UBE2D1: variants seen among roughly 807,000 people sequenced by gnomAD.
UBE2D1 encodes the protein ubiquitin-conjugating enzyme E2 D1.
A neutral mutation model predicts 24.6 loss-of-function variants in UBE2D1; 9 were observed. That is an observed-to-expected ratio of 0.37 (90% CI 0.22 to 0.64). The LOEUF (loss-of-function observed/expected upper bound fraction) is 0.64, where lower values mean the gene tolerates loss of function less well. UBE2D1 is among the 30% of genes least tolerant of loss of function. The pLI is 0.64. For missense variants in UBE2D1, 87 were observed against 177.1 expected, an observed-to-expected ratio of 0.49 and a Z score of 2.89; for synonymous variants, 57 against 57.6, an observed-to-expected ratio of 0.99 and a Z score of 0.04.
At chr10:58,343,749 AC>A (rs1839987137) in intron 1 of UBE2D1, among the ~76,000 whole-genome samples, 1 of 150,488 alleles carries the variant, frequency 6.6e-6, no homozygotes, top group African/African-American at 2.5e-5. Flanking sequence ...ACTGGATGAT[AC>A]TAACAGAGAG....
intron 1 of UBE2D1, among the ~76,000 whole-genome samples, chr10:58,345,228 T>C (rs1301827891): frequency 6.6e-6 from 1 of 152,082 alleles, no homozygotes; most frequent in Non-Finnish European, 1.5e-5. Context: ...CCCAGAACTT[T>C]GGGAGACCGA....
chr10:58,340,115 T>C (rs1839947210), intron 1 of UBE2D1, among the ~76,000 whole-genome samples: 1 of 152,230 alleles, frequency 6.6e-6, no homozygotes, highest in African/African-American at 2.4e-5. Context: ...CAAATTGAGA[T>C]GTGCTGAAGT....
intron 1 of UBE2D1, among the ~76,000 whole-genome samples, chr10:58,350,378 C>T (rs1031320624): frequency 3.6e-5 from 4 of 111,214 alleles, no homozygotes; most frequent in African/African-American, 1.8e-4. Context: ...AACTGAGCCC[C>T]TTCTGATATA....
At chr10:58,335,584 A>G (rs945476390) in intron 1 of UBE2D1, among the ~76,000 whole-genome samples, 1 of 152,218 alleles carries the variant, frequency 6.6e-6, no homozygotes, top group Non-Finnish European at 1.5e-5. Context: ...GACCCCTGTC[A>G]TGCTGTGTTT....
intron 1 of UBE2D1, 100 bp downstream of exon 1, chr10:58,335,325 G>A: frequency 7.5e-7 from 1 of 1,333,864 alleles, no homozygotes; most frequent in Admixed American, 2.9e-5. Flanking sequence ...AGCAAGGGAT[G>A]GAAGGGTGGG....
chr10:58,335,474 C>T (rs1453707509), intron 1 of UBE2D1, among the ~76,000 whole-genome samples: 1 of 152,260 alleles, frequency 6.6e-6, no homozygotes, highest in Non-Finnish European at 1.5e-5. Context: ...CGGAGCCGCT[C>T]CCGGAGCCCC....
At chr10:58,362,522 C>T (rs1245367668) in intron 3 of UBE2D1, among the ~76,000 whole-genome samples, 1 of 152,090 alleles carries the variant, frequency 6.6e-6, no homozygotes, top group Non-Finnish European at 1.5e-5. Context: ...TCAAAATACT[C>T]TCATTTAAAG....
chr10:58,350,077 A>G (rs75504986), intron 1 of UBE2D1, among the ~76,000 whole-genome samples: 7,350 of 152,226 alleles, frequency 0.048, 343 homozygotes, highest in African/African-American at 0.12. Flanking sequence ...GTTGGTGGAC[A>G]TTGAGTTGCT....
Position 58,370,630 on chromosome 10 carries a change from AG to A in UBE2D1, c.*1868del, listed in dbSNP as rs1237525550. The A allele has an allele frequency of 6.6e-6, 1 of 151,542 alleles. No individual in the cohort carries two copies. The highest frequency in any genetic ancestry group is 1.5e-5 in the Non-Finnish European group (1 of 67,790). 9.4% of individuals were successfully genotyped at this position (151,542 alleles called of 1,614,324 possible). On this transcript the variant is annotated 3_prime_UTR_variant, in exon 7 of 7. Coordinates refer to ENST00000373910, the MANE Select transcript of UBE2D1 (RefSeq NM_003338.5). The stretch of plus-strand genomic sequence containing the variant: ...AATATTTAGTATATTTTGATAGTAA[AG>A]GGTTTTGTTTCTTGAATATCTTCAC...
intron 3 of UBE2D1, 57 bp downstream of exon 3, chr10:58,361,583 A>C: frequency 6.2e-7 from 1 of 1,606,960 alleles, no homozygotes; most frequent in Non-Finnish European, 8.5e-7. Context: ...CATTCTTGCC[A>C]TTTCACCTTT....
At chr10:58,362,641 G>A (rs998885579) in intron 3 of UBE2D1, among the ~76,000 whole-genome samples, 3 of 151,930 alleles carry the variant, frequency 2.0e-5, no homozygotes, top group Admixed American at 1.3e-4. Context: ...CTTTAGTAAT[G>A]TAAATATTTA....
chr10:58,353,034 A>G (rs1840094588), intron 1 of UBE2D1, among the ~76,000 whole-genome samples: 1 of 152,164 alleles, frequency 6.6e-6, no homozygotes, highest in Non-Finnish European at 1.5e-5. Context: ...CTAAGAACCT[A>G]GAGGACCTCT....
At chr10:58,350,353 C>A (rs555311548) in intron 1 of UBE2D1, among the ~76,000 whole-genome samples, 1 of 150,814 alleles carries the variant, frequency 6.6e-6, no homozygotes, top group Admixed American at 6.6e-5. Context: ...TTTGCATATC[C>A]TTGATGACTA....
intron 1 of UBE2D1, among the ~76,000 whole-genome samples, chr10:58,340,500 T>C (rs1209132004): frequency 1.3e-5 from 2 of 152,164 alleles, no homozygotes; most frequent in Admixed American, 1.3e-4. Context: ...CCTGACAAAG[T>C]TTTGTATGAC....
chr10:58,336,458 G>A (rs747542705), intron 1 of UBE2D1, among the ~76,000 whole-genome samples: 7 of 152,140 alleles, frequency 4.6e-5, no homozygotes, highest in Non-Finnish European at 1.0e-4. Context: ...TAGGTACAGA[G>A]GACAGCAACT....
Position 58,364,816 on chromosome 10 carries a change from G to A in UBE2D1, c.244G>A (p.Gly82Arg). The A allele has an allele frequency of 1.2e-6, 2 of 1,613,658 alleles. No individual in the cohort carries two copies. Among genetic ancestry groups the A allele is most frequent in the Non-Finnish European group, 1.7e-6 (2 of 1,179,808 alleles). ...TTACCATCCAAACATAAACAGTAAT[G>A]GAAGTATTTGTCTCGATATTCTGAG... ...KIYHPNINSN[G>R]SICLDILRSQ... is the part of the protein sequence containing the mutation. The change falls in exon 5 of 7, where the codon GGA (glycine) becomes AGA (arginine). Residue 82 changes from glycine to arginine, a missense_variant. By Grantham distance (125) the Gly-to-Arg change is moderately radical. Coordinates refer to ENST00000373910, the MANE Select transcript of UBE2D1 (RefSeq NM_003338.5).
rs1374882819 is a variant in UBE2D1, at chr10:58,335,095, G to T, written c.-107G>T. 4.0e-6 allele frequency: 5 copies of T among 1,262,870 alleles called. No homozygotes were observed. The highest frequency in any genetic ancestry group is 4.4e-6 in the Non-Finnish European group (4 of 909,508). 78.2% of individuals were successfully genotyped at this position (1,262,870 alleles called of 1,614,324 possible). A position where few individuals can be genotyped will look rare whatever the true frequency, so the allele number is the denominator to read the frequency against. Reference sequence around the variant, plus strand: ...GGGAGCGGCTAACCGGGGACCCACCGCGCGGAGCCAGCCTAGCTGCCAGCG... The same window carrying T: ...GGGAGCGGCTAACCGGGGACCCACCTCGCGGAGCCAGCCTAGCTGCCAGCG... On this transcript the variant is annotated 5_prime_UTR_variant, in exon 1 of 7. Transcript: ENST00000373910.
intron 1 of UBE2D1, among the ~76,000 whole-genome samples, chr10:58,346,932 G>T (rs1398148936): frequency 6.6e-6 from 1 of 152,186 alleles, no homozygotes; most frequent in Non-Finnish European, 1.5e-5. Context: ...CAGGGTGTTT[G>T]TACCACCTGG....
In UBE2D1 at chr10:58,349,974, G is replaced by A. The variant is rs557283213; in HGVS notation, c.25-11364G>A. ...AGATTCATCTATATTGTTGCCTGGA[G>A]CTGTAAGTTCATTCATTCTTACTGC... On this transcript the variant is annotated intron_variant, in intron 1 of 6. Transcript: ENST00000373910. Among the ~76,000 whole-genome samples the A allele has an allele frequency of 2.4e-4, 37 of 152,258 alleles. No individual in the cohort carries two copies. The South Asian group carries it at 7.2e-3, about 30-fold the overall frequency.
Sources: allele counts gnomAD v4.1 joint callset (sites outside exome capture counted in the v4.1 genomes callset), GRCh38; gene constraint gnomAD v4.1.1; transcripts MANE v1.5; gene names NCBI Gene and HGNC (gene_info 2026-07-23, HGNC 2026-07-21).